The following STAT1 variants were observed in gnomAD, a reference collection of about 807,000 sequenced individuals.
STAT1 encodes signal transducer and activator of transcription 1-alpha/beta.
In STAT1, 24 loss-of-function variants were observed where a neutral mutation model predicts 111.7. The observed-to-expected ratio is 0.21, with a 90% CI of 0.16 to 0.30. The LOEUF is 0.30. Among genes scored for constraint, STAT1 ranks in the 10% least tolerant of loss-of-function variants. The pLI, the probability that STAT1 is intolerant of heterozygous loss-of-function variation, is 1.00. For missense variants in STAT1, 351 were observed against 911.9 expected (o/e 0.38, Z 7.92); for synonymous variants, 332 against 326.5 (o/e 1.02, Z -0.18).
rs1207244181 is a variant in STAT1, at chr2:190,999,892, A to G, written c.463-188T>C. On this transcript the variant is annotated intron_variant, in intron 6 of 24. Transcript: ENST00000361099. This position sits in a 1 kb window ranked among gnomAD's most constrained non-coding sequence, Gnocchi z 4.1. ...TTTCGGTTTCATTAATAAGTATGTC[A>G]TAACATTTTTAAAAAAGCAAACGTA... Among the ~76,000 whole-genome samples, 1 of 152,230 alleles carries G rather than the reference A, an allele frequency of 6.6e-6. No individual in the cohort carries two copies. The highest frequency in any genetic ancestry group is 2.4e-5 in the African/African-American group (1 of 41,464).
Position 190,979,162 on chromosome 2 carries a change from C to T in STAT1, c.1728-161G>A, listed in dbSNP as rs1692143158. On this transcript the variant is annotated intron_variant, in intron 20 of 24. Coordinates refer to ENST00000361099, the MANE Select transcript of STAT1 (RefSeq NM_007315.4). The surrounding 1 kb of genome is among the most constrained non-coding windows in gnomAD (Gnocchi z 5.8). ...TCTGTTCAGTTGACACTTAAGGAAGCATTTCACTTATACATGTATATACTA... is the reference window on the plus strand; with the variant it reads ...TCTGTTCAGTTGACACTTAAGGAAGTATTTCACTTATACATGTATATACTA... Among the ~76,000 whole-genome samples the T allele has an allele frequency of 6.6e-6, 1 of 152,128 alleles. No individual in the cohort carries two copies. Among genetic ancestry groups the T allele is most frequent in the Non-Finnish European group, 1.5e-5 (1 of 68,030 alleles).
rs1172073653 is a variant in STAT1 at position 190,971,684 on chromosome 2, A to G, written c.2239-967T>C. On this transcript the variant is annotated intron_variant, in intron 24 of 24. Transcript: ENST00000361099. This position sits in a 1 kb window ranked among gnomAD's most constrained non-coding sequence, Gnocchi z 4.1. The stretch of plus-strand genomic sequence containing the variant: ...AAGTGTTGCCCCTATGTTTCAGTCT[A>G]GCTTATGTTTCTCTTTTCTTTTTCT... Among the ~76,000 whole-genome samples, 1 of 141,218 alleles carries G rather than the reference A, an allele frequency of 7.1e-6. No homozygotes were observed. The highest frequency in any genetic ancestry group is 1.5e-5 in the Non-Finnish European group (1 of 65,744). The allele number at this position is 141,218 out of a possible 152,430, so 92.6% of individuals were successfully genotyped here.
Position 190,984,390 on chromosome 2 carries a change from G to A in STAT1, c.1267C>T (p.Pro423Ser). 1 of 1,612,924 alleles carries A rather than the reference G, an allele frequency of 6.2e-7. No individual in the cohort carries two copies. Among genetic ancestry groups the A allele is most frequent in the Non-Finnish European group, 8.5e-7 (1 of 1,178,968 alleles). The change falls in exon 16 of 25, where the codon CCT becomes TCT. Residue 423 changes from proline to serine, a missense_variant. By Grantham distance (74) the Pro-to-Ser change is moderately conservative. Around this residue, in one of 7 missense-constraint regions of STAT1, gnomAD observed 181 missense variants for 426.1 expected, o/e 0.42. Transcript: ENST00000361099. The surrounding 1 kb of genome is among the most constrained non-coding windows in gnomAD (Gnocchi z 5.2). ...KNAGTRTNEG[P>S]LIVTEELHSL... Reference sequence around the variant, plus strand: ...TGAAGCTCTTCAGTAACGATGAGAGGACCCTTGGAAGAGAAAAGGAAAGAA... The same window carrying A: ...TGAAGCTCTTCAGTAACGATGAGAGAACCCTTGGAAGAGAAAAGGAAAGAA...
At position 190,999,169 on chromosome 2, in the gene STAT1, G is replaced by A. The variant is rs1574661864; in HGVS notation, c.541+457C>T. The stretch of plus-strand genomic sequence containing the variant: ...AGCTTATCTGCTGTGTATACACGTG[G>A]CCCTGCAACGTTTGAAGAAACCTGA... On this transcript the variant is annotated intron_variant, in intron 7 of 24. Transcript: ENST00000361099. The surrounding 1 kb of genome is among the most constrained non-coding windows in gnomAD (Gnocchi z 4.1). Among the ~76,000 whole-genome samples the A allele has an allele frequency of 6.6e-6, 1 of 152,304 alleles. No homozygotes were observed. Among genetic ancestry groups the A allele is most frequent in the South Asian group, 2.1e-4 (1 of 4,826 alleles).
intron 2 of STAT1, chr2:191,010,355 C>T (rs1356999568): frequency 2.1e-6 from 1 of 473,376 alleles, no homozygotes; most frequent in Non-Finnish European, 4.4e-6. Flanking sequence ...CTTACACCAC[C>T]ATCTGACCTA....
chr2:190,985,373 A>G (rs2280234), intron 15 of STAT1, among the ~76,000 whole-genome samples: 78,825 of 152,170 alleles, frequency 0.52, 21,722 homozygotes, highest in Non-Finnish European at 0.62. Context: ...AAAGCCCACA[A>G]CAGCTACTCC....
At position 190,987,093 on chromosome 2, in the gene STAT1, CAT is replaced by C. The variant is rs1239877928; in HGVS notation, c.1098-27_1098-26del. On this transcript the variant is annotated intron_variant, in intron 12 of 24. Coordinates refer to ENST00000361099, the MANE Select transcript of STAT1 (RefSeq NM_007315.4). This position sits in a 1 kb window ranked among gnomAD's most constrained non-coding sequence, Gnocchi z 4.0. ...TCTGCAAAAAAAATATATATAATCA[CAT>C]ATGCGTATTTAAAATTTGAAATAAG... is the stretch of plus-strand genomic sequence containing the variant. 2.6e-6 allele frequency: 4 copies of C among 1,556,596 alleles called. No homozygotes were observed. The highest frequency in any genetic ancestry group is 2.2e-5 in the East Asian group (1 of 44,498).
Position 190,993,463 on chromosome 2 carries a change from T to C in STAT1, c.944+1598A>G. ...TTGTGCTGATGTAGCTTTCTGTATATGTTATCATCTGCAAACCTAAGAAGG... is the reference window on the plus strand; with the variant it reads ...TTGTGCTGATGTAGCTTTCTGTATACGTTATCATCTGCAAACCTAAGAAGG... On this transcript the variant is annotated intron_variant, in intron 10 of 24. Coordinates refer to ENST00000361099, the MANE Select transcript of STAT1 (RefSeq NM_007315.4). This position sits in a 1 kb window ranked among gnomAD's most constrained non-coding sequence, Gnocchi z 4.1. 2 of 1,254,486 alleles carry C rather than the reference T, an allele frequency of 1.6e-6. No homozygotes were observed. 77.7% of individuals were successfully genotyped at this position (1,254,486 alleles called of 1,614,324 possible).
At position 190,983,477 on chromosome 2, in the gene STAT1, T is replaced by C. The variant is rs1235421008; in HGVS notation, c.1446+165A>G. 1.3e-5 allele frequency among the ~76,000 whole-genome samples: 2 copies of C among 152,206 alleles called. No homozygotes were observed. Among genetic ancestry groups the C allele is most frequent in the Non-Finnish European group, 2.9e-5 (2 of 68,038 alleles). On this transcript the variant is annotated intron_variant, in intron 17 of 24. Transcript: ENST00000361099. This position sits in a 1 kb window ranked among gnomAD's most constrained non-coding sequence, Gnocchi z 5.7. ...ACGTAATTCTCATTTCAAATACATA[T>C]CCATGCTTCATATTCCCAGATTTAC...
chr2:190,974,744 A>ACCAT lies in STAT1; in HGVS notation c.2238+85_2238+86insATGG. The ACCAT allele has an allele frequency of 8.2e-7, 1 of 1,217,954 alleles. No individual in the cohort carries two copies. The highest frequency in any genetic ancestry group is 1.2e-6 in the Non-Finnish European group (1 of 823,628). The allele number at this position is 1,217,954 out of a possible 1,614,324, so 75.4% of individuals were successfully genotyped here. A position where few individuals can be genotyped will look rare whatever the true frequency, so the allele number is the denominator to read the frequency against. Reference sequence around the variant, plus strand: ...TCCGCCAGGGCTCCCTCCCGCAGACAGGCCCGGGATCTGCCATGGTGCGCT... The same window carrying ACCAT: ...TCCGCCAGGGCTCCCTCCCGCAGACACCATGGCCCGGGATCTGCCATGGTGCGCT... On this transcript the variant is annotated intron_variant, in intron 24 of 24. Transcript: ENST00000361099. The surrounding 1 kb of genome is among the most constrained non-coding windows in gnomAD (Gnocchi z 4.8).
chr2:190,969,635 G>A lies in STAT1; in HGVS notation c.*1068C>T, dbSNP rs1191208553. 2.6e-5 allele frequency: 4 copies of A among 152,188 alleles called. No individual in the cohort carries two copies. The highest frequency in any genetic ancestry group is 9.6e-5 in the African/African-American group (4 of 41,456). 9.4% of individuals were successfully genotyped at this position (152,188 alleles called of 1,614,324 possible). Reference sequence around the variant, plus strand: ...GCAAATGTGAAAAACACATATATCAGCGAAACATATGCAGTTCTCAATGCA... The same window carrying A: ...GCAAATGTGAAAAACACATATATCAACGAAACATATGCAGTTCTCAATGCA... On this transcript the variant is annotated 3_prime_UTR_variant, in exon 25 of 25. Transcript: ENST00000361099.
chr2:190,991,408 G>C (rs1693328367), intron 10 of STAT1, 88 bp from the exon 11 acceptor site: 2 of 1,197,916 alleles, frequency 1.7e-6, no homozygotes, highest in East Asian at 4.8e-5. Flanking sequence ...AAAAAAGGGG[G>C]TTAGAGAGTA....
In STAT1 at chr2:191,013,631, C is replaced by T. The variant is rs1345553432; in HGVS notation, c.-108G>A. On this transcript the variant is annotated 5_prime_UTR_variant, in exon 2 of 25. Transcript: ENST00000361099. ...CGAGGTTATATACACAGAGTGCGAACGTTAACCTAGACAGCTCTCGAGGAT... is the reference window on the plus strand; with the variant it reads ...CGAGGTTATATACACAGAGTGCGAATGTTAACCTAGACAGCTCTCGAGGAT... 2.5e-6 allele frequency: 1 copy of T among 398,544 alleles called. No homozygotes were observed. The highest frequency in any genetic ancestry group is 2.1e-5 in the African/African-American group (1 of 48,668). 24.7% of individuals were successfully genotyped at this position (398,544 alleles called of 1,614,324 possible). A position where few individuals can be genotyped will look rare whatever the true frequency, so the allele number is the denominator to read the frequency against.
At chr2:191,008,570 T>A (rs1351947191) in intron 4 of STAT1, among the ~76,000 whole-genome samples, 1 of 152,248 alleles carries the variant, frequency 6.6e-6, no homozygotes, top group Admixed American at 6.5e-5. Context: ...CTCATTTGCA[T>A]AGCAAGGACC....
At position 190,979,995 on chromosome 2, in the gene STAT1, T is replaced by C. The variant is rs1384769094; in HGVS notation, c.1633-129A>G. 8.6e-6 allele frequency: 6 copies of C among 696,526 alleles called. No homozygotes were observed. The Admixed American group carries it at 1.3e-4, about 15-fold the overall frequency. The allele number at this position is 696,526 out of a possible 1,614,324, so 43.1% of individuals were successfully genotyped here. A position where few individuals can be genotyped will look rare whatever the true frequency, so the allele number is the denominator to read the frequency against. ...GGAACTGTCCCATTCAGCACAGCAATGGGATCCCTCCCCTGGCAGGGAATA... is the reference window on the plus strand; with the variant it reads ...GGAACTGTCCCATTCAGCACAGCAACGGGATCCCTCCCCTGGCAGGGAATA... On this transcript the variant is annotated intron_variant, in intron 19 of 24. Transcript: ENST00000361099. The surrounding 1 kb of genome is among the most constrained non-coding windows in gnomAD (Gnocchi z 5.8).
rs1159532749 is a variant in STAT1 at position 190,990,752 on chromosome 2, C to T, written c.1037+476G>A. On this transcript the variant is annotated intron_variant, in intron 11 of 24. Coordinates refer to ENST00000361099, the MANE Select transcript of STAT1 (RefSeq NM_007315.4). This position sits in a 1 kb window ranked among gnomAD's most constrained non-coding sequence, Gnocchi z 5.1. ...AATCCTGGGAGGACAGACACTAGGCCATTTACTGTGGTGGTCCACAGATAT... is the reference window on the plus strand; with the variant it reads ...AATCCTGGGAGGACAGACACTAGGCTATTTACTGTGGTGGTCCACAGATAT... Among the ~76,000 whole-genome samples, 1 of 152,118 alleles carries T rather than the reference C, an allele frequency of 6.6e-6. No homozygotes were observed. Among genetic ancestry groups the T allele is most frequent in the Non-Finnish European group, 1.5e-5 (1 of 68,024 alleles).
rs1694045892 is a variant in STAT1 at position 190,998,802 on chromosome 2, G to A, written c.542-494C>T. 6.6e-6 allele frequency among the ~76,000 whole-genome samples: 1 copy of A among 151,160 alleles called. No homozygotes were observed. Among genetic ancestry groups the A allele is most frequent in the Admixed American group, 6.6e-5 (1 of 15,166 alleles). ...AAATGTAAATAACATTAATAATAAT[G>A]TTATTATTATTATAAAAATAAATGT... On this transcript the variant is annotated intron_variant, in intron 7 of 24. Transcript: ENST00000361099. The surrounding 1 kb of genome is among the most constrained non-coding windows in gnomAD (Gnocchi z 4.1).
chr2:190,982,316 G>T lies in STAT1; in HGVS notation c.1582+67C>A. ...TTTAACAAAATAGCAGAGGGGAAAAGAGCAATTAGAGAGATATTTTTATGA... is the reference window on the plus strand; with the variant it reads ...TTTAACAAAATAGCAGAGGGGAAAATAGCAATTAGAGAGATATTTTTATGA... On this transcript the variant is annotated intron_variant, in intron 18 of 24. Coordinates refer to ENST00000361099, the MANE Select transcript of STAT1 (RefSeq NM_007315.4). This position sits in a 1 kb window ranked among gnomAD's most constrained non-coding sequence, Gnocchi z 7.3. 1 of 1,580,134 alleles carries T rather than the reference G, an allele frequency of 6.3e-7. No individual in the cohort carries two copies. Among genetic ancestry groups the T allele is most frequent in the Non-Finnish European group, 8.7e-7 (1 of 1,150,354 alleles).
In STAT1 at chr2:191,008,837, GGAGT is replaced by G. The variant is rs1173173654; in HGVS notation, c.273+122_273+125del. 17 of 944,070 alleles carry G rather than the reference GGAGT, an allele frequency of 1.8e-5. No homozygotes were observed. In the East Asian group the frequency reaches 2.4e-4, roughly 13 times the overall value. 58.5% of individuals were successfully genotyped at this position (944,070 alleles called of 1,614,324 possible). ...TACTGATGCTGTAGAAAACATAAAT[GGAGT>G]TAGTCTCTATTACTTCTCTAAATAC... is the stretch of plus-strand genomic sequence containing the variant. On this transcript the variant is annotated intron_variant, in intron 4 of 24. Coordinates refer to ENST00000361099, the MANE Select transcript of STAT1 (RefSeq NM_007315.4).
Sources: gnomAD v4.1 joint callset for allele counts (sites outside exome capture counted in the v4.1 genomes callset) on GRCh38, gnomAD v4.1.1 for gene constraint, gnomAD v4.1.1 regional missense constraint, Gnocchi (gnomAD v3.1) non-coding constraint, MANE v1.5 for transcripts, NCBI Gene and HGNC (gene_info 2026-07-23, HGNC 2026-07-21) for gene names.